Variants in PTCHD4 observed in about 807,000 individuals in gnomAD.
PTCHD4 encodes the protein patched domain containing 4, also known as patched domain-containing protein 4.
A neutral mutation model predicts 58.1 loss-of-function variants in PTCHD4; 33 were observed. That is an observed-to-expected ratio of 0.57 (90% CI 0.43 to 0.76). The LOEUF (loss-of-function observed/expected upper bound fraction) is 0.76, where lower values mean the gene tolerates loss of function less well. PTCHD4 is among the 30% of genes least tolerant of loss of function. The probability of loss-of-function intolerance (pLI) is 0.00; values close to 1 mark genes in which losing one functional copy is unlikely to be tolerated. For missense variants in PTCHD4, 1,058 were observed against 1,027.1 expected, an observed-to-expected ratio of 1.03 and a Z score of -0.41; for synonymous variants, 478 against 409.6, an observed-to-expected ratio of 1.17 and a Z score of -2.02.
chr6:47,948,762 C>T (rs1396210690), intron 4 of PTCHD4, among the ~76,000 whole-genome samples: 1 of 152,112 alleles, frequency 6.6e-6, no homozygotes, highest in Non-Finnish European at 1.5e-5. Context: ...GCTCTGTTTA[C>T]ACCTTTCAAT....
rs373692199 is a variant in PTCHD4 at position 48,031,148 on chromosome 6, C to T, written c.418-22034G>A. On this transcript the variant is annotated intron_variant, in intron 3 of 4. Transcript: ENST00000339488. ...TTTAGCAAGACCCTTACCCCTACCC[C>T]TCCATTTCCCACCCCTTGATATCTA... Among the ~76,000 whole-genome samples the T allele has an allele frequency of 3.4e-4, 52 of 152,248 alleles. 2 individuals carry two copies. The East Asian group carries it at 4.1e-3, about 12-fold the overall frequency.
Position 47,863,437 on chromosome 6 carries a change from C to T in PTCHD4, c.*14866G>A, listed in dbSNP as rs1763480600. Among the ~76,000 whole-genome samples, 1 of 151,828 alleles carries T rather than the reference C, an allele frequency of 6.6e-6. No homozygotes were observed. The highest frequency in any genetic ancestry group is 1.9e-4 in the East Asian group (1 of 5,156). On this transcript the variant is annotated 3_prime_UTR_variant, in exon 5 of 5. Coordinates refer to ENST00000339488, the MANE Select transcript of PTCHD4 (RefSeq NM_001384253.1). Reference sequence around the variant, plus strand: ...TTGGCCTAATAATATAATAGTGTTTCAGCCTCATTATTTCTGGTTCTTTTC... The same window carrying T: ...TTGGCCTAATAATATAATAGTGTTTTAGCCTCATTATTTCTGGTTCTTTTC...
rs1322034425 is a variant in PTCHD4 at position 48,068,107 on chromosome 6, G to A, written c.417+123C>T. ...CTTGCACCCTGGCTGTTGTCTTATT[G>A]GAGACGGCAGCCTGCCTGAGATCCT... On this transcript the variant is annotated intron_variant, in intron 3 of 4. Coordinates refer to ENST00000339488, the MANE Select transcript of PTCHD4 (RefSeq NM_001384253.1). The surrounding 1 kb of genome is among the most constrained non-coding windows in gnomAD (Gnocchi z 4.2). The A allele has an allele frequency of 9.4e-7, 1 of 1,062,982 alleles. No homozygotes were observed. Among genetic ancestry groups the A allele is most frequent in the East Asian group, 2.4e-5 (1 of 41,154 alleles). 65.8% of individuals were successfully genotyped at this position (1,062,982 alleles called of 1,614,324 possible). A position where few individuals can be genotyped will look rare whatever the true frequency, so the allele number is the denominator to read the frequency against.
At chr6:48,076,424 C>A (rs1337417512) in intron 1 of PTCHD4, among the ~76,000 whole-genome samples, 1 of 152,168 alleles carries the variant, frequency 6.6e-6, no homozygotes, top group Non-Finnish European at 1.5e-5. Context: ...ATGGTGAATT[C>A]TTTTCAGAAG....
intron 4 of PTCHD4, among the ~76,000 whole-genome samples, chr6:47,887,348 A>T (rs563958400): frequency 6.6e-6 from 1 of 151,508 alleles, no homozygotes; most frequent in East Asian, 1.9e-4. Flanking sequence ...ATTTATCATT[A>T]GTTCTTACAA....
intron 4 of PTCHD4, among the ~76,000 whole-genome samples, chr6:47,936,583 G>C (rs1299930142): frequency 6.6e-6 from 1 of 152,100 alleles, no homozygotes; most frequent in Non-Finnish European, 1.5e-5. Flanking sequence ...CCAGTTCAAT[G>C]TTCTTTTTCC....
chr6:48,043,897 G>T (rs1437330136), intron 3 of PTCHD4, among the ~76,000 whole-genome samples: 1 of 151,792 alleles, frequency 6.6e-6, no homozygotes, highest in Non-Finnish European at 1.5e-5. Flanking sequence ...GAGTTTTCAG[G>T]TTTAGACCCT....
rs1189360913 is a variant in PTCHD4, at chr6:47,874,832, AC to A, written c.*3470del. ...AGTAACTGCAAGAATTCCTGGGAAG[AC>A]ATCTAAACATGACTTTCATTAAAAA... On this transcript the variant is annotated 3_prime_UTR_variant, in exon 5 of 5. Transcript: ENST00000339488. 6.6e-6 allele frequency among the ~76,000 whole-genome samples: 1 copy of A among 151,870 alleles called. No individual in the cohort carries two copies. The highest frequency in any genetic ancestry group is 6.6e-5 in the Admixed American group (1 of 15,218).
chr6:47,954,860 T>C (rs1766792908), intron 4 of PTCHD4, among the ~76,000 whole-genome samples: 1 of 152,136 alleles, frequency 6.6e-6, no homozygotes, highest in South Asian at 2.1e-4. Context: ...AGTGACAGTA[T>C]GTGATTTTGA....
At chr6:48,104,381 C>T (rs900085620) in intron 1 of PTCHD4, among the ~76,000 whole-genome samples, 2 of 152,148 alleles carry the variant, frequency 1.3e-5, no homozygotes, top group African/African-American at 4.8e-5. Context: ...AAATAAAATA[C>T]TTTACAGACA....
At chr6:47,908,869 A>C (rs1764981592) in intron 4 of PTCHD4, among the ~76,000 whole-genome samples, 1 of 152,180 alleles carries the variant, frequency 6.6e-6, no homozygotes, top group Non-Finnish European at 1.5e-5. Context: ...GTAAAACTGT[A>C]GGTGACTAAT....
chr6:48,063,173 T>C, intron 3 of PTCHD4, among the ~76,000 whole-genome samples: 1 of 152,188 alleles, frequency 6.6e-6, no homozygotes, highest in East Asian at 1.9e-4. Flanking sequence ...AGGAATCTAC[T>C]TTTAGCTAAT....
At chr6:47,926,461 T>A (rs1765618546) in intron 4 of PTCHD4, among the ~76,000 whole-genome samples, 1 of 152,202 alleles carries the variant, frequency 6.6e-6, no homozygotes, top group Non-Finnish European at 1.5e-5. Context: ...ACTCAAAGTG[T>A]GTTCCCTGGA....
In PTCHD4 at chr6:47,879,419, G is replaced by A. The variant is rs955711886; in HGVS notation, c.1416C>T (p.Ala472=). The change falls in exon 5 of 5, where the codon GCC becomes GCT. Residue 472 remains alanine, a synonymous_variant. Coordinates refer to ENST00000339488, the MANE Select transcript of PTCHD4 (RefSeq NM_001384253.1). ...GTAAGCACCCCATGAAGGAGAAGGA[G>A]GCATAAATGAGATAGAGGATGACAA... ...PFVVILYLIY[A]SFSFMGCLQI... The A allele has an allele frequency of 6.2e-7, 1 of 1,613,622 alleles. No homozygotes were observed. The highest frequency in any genetic ancestry group is 8.5e-7 in the Non-Finnish European group (1 of 1,179,730).
rs553262529 is a variant in PTCHD4 at position 47,864,702 on chromosome 6, G to A, written c.*13601C>T. On this transcript the variant is annotated 3_prime_UTR_variant, in exon 5 of 5. Coordinates refer to ENST00000339488, the MANE Select transcript of PTCHD4 (RefSeq NM_001384253.1). ...TTCTATGACTGTAGAAGAATACAAAGAGTTCATATGGATTATTTTCACAGG... is the reference window on the plus strand; with the variant it reads ...TTCTATGACTGTAGAAGAATACAAAAAGTTCATATGGATTATTTTCACAGG... Among the ~76,000 whole-genome samples the A allele has an allele frequency of 7.2e-5, 11 of 151,958 alleles. No homozygotes were observed. In the South Asian group the frequency reaches 2.1e-3, roughly 29 times the overall value.
At position 47,870,885 on chromosome 6, in the gene PTCHD4, G is replaced by GTT; in HGVS notation, c.*7416_*7417dup. ...TATTTTGGGAGTGATAAATGAGGCT[G>GTT]TTTTCATGAATGGGATGAACCTATA... On this transcript the variant is annotated 3_prime_UTR_variant, in exon 5 of 5. Coordinates refer to ENST00000339488, the MANE Select transcript of PTCHD4 (RefSeq NM_001384253.1). 6.6e-6 allele frequency among the ~76,000 whole-genome samples: 1 copy of GTT among 151,520 alleles called. No homozygotes were observed. Among genetic ancestry groups the GTT allele is most frequent in the East Asian group, 1.9e-4 (1 of 5,146 alleles).
chr6:48,007,912 C>A (rs894217470), intron 4 of PTCHD4, among the ~76,000 whole-genome samples: 5 of 145,944 alleles, frequency 3.4e-5, no homozygotes, highest in African/African-American at 1.0e-4. Flanking sequence ...TTGATCTTCT[C>A]TTTGAAAGAA....
intron 4 of PTCHD4, among the ~76,000 whole-genome samples, chr6:47,896,199 A>C (rs1764523783): frequency 6.6e-6 from 1 of 152,210 alleles, no homozygotes; most frequent in Admixed American, 6.5e-5. Context: ...TCTGTACTGT[A>C]GTGGGTAGTG....
intron 4 of PTCHD4, chr6:47,901,598 A>G (rs1764706550): frequency 2.8e-6 from 3 of 1,059,424 alleles, no homozygotes; most frequent in Non-Finnish European, 3.4e-6. Context: ...GTTTCCCATG[A>G]GAGGAGTCAG....
Sources: allele counts gnomAD v4.1 joint callset (sites outside exome capture counted in the v4.1 genomes callset), GRCh38; gene constraint gnomAD v4.1.1; non-coding constraint Gnocchi (gnomAD v3.1); transcripts MANE v1.5; gene names NCBI Gene and HGNC (gene_info 2026-07-23, HGNC 2026-07-21).